The following TMEM132D variants were observed in gnomAD, a reference collection of about 807,000 sequenced individuals.
TMEM132D encodes the protein mature OL transmembrane protein.
TMEM132D carries 21 observed loss-of-function variants against 62.3 expected under a neutral mutation model. The ratio of observed to expected loss-of-function variants is 0.34; its 90% CI spans 0.24 to 0.49. The LOEUF is 0.49. Ranked by LOEUF, TMEM132D falls within the 20% of genes least tolerant of loss-of-function variation. The pLI is 0.99. For synonymous variants in TMEM132D, 621 were observed against 575.6 expected (o/e 1.08, Z -1.13); for missense variants, 1,346 against 1,402.8 (o/e 0.96, Z 0.65).
intron 1 of TMEM132D, among the ~76,000 whole-genome samples, chr12:129,759,015 C>A (rs1424612285): frequency 2.0e-5 from 3 of 151,718 alleles, no homozygotes; most frequent in African/African-American, 7.3e-5. Context: ...CTCACTGCAA[C>A]CTCTGCCTCC....
At chr12:129,658,710 G>T (rs1880160934) in intron 2 of TMEM132D, among the ~76,000 whole-genome samples, 1 of 152,276 alleles carries the variant, frequency 6.6e-6, no homozygotes, top group Non-Finnish European at 1.5e-5. Context: ...TTGGAAGCCT[G>T]CAGGTTACTT....
At chr12:129,787,817 G>A (rs1871284170) in intron 1 of TMEM132D, among the ~76,000 whole-genome samples, 1 of 152,222 alleles carries the variant, frequency 6.6e-6, no homozygotes, top group Non-Finnish European at 1.5e-5. Flanking sequence ...TGCTAATGAG[G>A]CAGGGGCAAC....
intron 2 of TMEM132D, among the ~76,000 whole-genome samples, chr12:129,693,977 T>C (rs1277040160): frequency 2.0e-5 from 3 of 152,208 alleles, no homozygotes; most frequent in Non-Finnish European, 4.4e-5. Flanking sequence ...GTCTCCCTAG[T>C]GCCCATCTTT....
At chr12:129,809,695 AAC>A (rs1434487726) in intron 1 of TMEM132D, among the ~76,000 whole-genome samples, 3 of 152,162 alleles carry the variant, frequency 2.0e-5, no homozygotes, top group Admixed American at 1.3e-4. Context: ...GTTTTTTTAA[AAC>A]AGAGAGTTCT....
rs561494746 is a variant in TMEM132D, at chr12:129,739,075, A to G, written c.80-38377T>C. Among the ~76,000 whole-genome samples the G allele has an allele frequency of 1.6e-3, 249 of 152,258 alleles. No individual in the cohort carries two copies. In the Middle Eastern group the frequency reaches 0.027, roughly 17 times the overall value. On this transcript the variant is annotated intron_variant, in intron 1 of 8. Coordinates refer to ENST00000422113, the MANE Select transcript of TMEM132D (RefSeq NM_133448.3). ...CTCCATCAGCATCTGCTCCAGCCCA[A>G]GGGCAGTGTTTTTGAGCTGGAAAAA...
At chr12:129,450,382 A>C (rs992364840) in intron 3 of TMEM132D, among the ~76,000 whole-genome samples, 10 of 152,166 alleles carry the variant, frequency 6.6e-5, no homozygotes, top group African/African-American at 2.4e-4. Context: ...ATTTTTGTAC[A>C]GTCTGTATAA....
intron 2 of TMEM132D, among the ~76,000 whole-genome samples, chr12:129,569,714 A>G (rs531907117): frequency 2.0e-5 from 3 of 152,326 alleles, no homozygotes; most frequent in Admixed American, 1.3e-4. Context: ...AGGCTTTATG[A>G]AATGACTCCA....
intron 5 of TMEM132D, among the ~76,000 whole-genome samples, chr12:129,102,432 C>T (rs1376011014): frequency 6.6e-6 from 1 of 150,890 alleles, no homozygotes; most frequent in Non-Finnish European, 1.5e-5. Flanking sequence ...CGCACACTGG[C>T]ATATGCACAT....
chr12:129,383,248 T>C (rs1871004645), intron 3 of TMEM132D, among the ~76,000 whole-genome samples: 1 of 152,194 alleles, frequency 6.6e-6, no homozygotes. Flanking sequence ...TGGGGAAATC[T>C]AAATCACACC....
chr12:129,660,078 A>G (rs1880196842), intron 2 of TMEM132D, among the ~76,000 whole-genome samples: 3 of 152,204 alleles, frequency 2.0e-5, no homozygotes, highest in Admixed American at 2.0e-4. Flanking sequence ...TATGCCTGCC[A>G]GGAGGGTGAT....
At chr12:129,088,327 G>A (rs551577544) in intron 5 of TMEM132D, among the ~76,000 whole-genome samples, 763 of 39,804 alleles carry the variant, frequency 0.019, 205 homozygotes, top group Non-Finnish European at 0.023. Context: ...CTCCCTGACC[G>A]GGGTGTCCTC....
intron 3 of TMEM132D, among the ~76,000 whole-genome samples, chr12:129,485,340 C>G (rs1033046825): frequency 4.6e-5 from 7 of 152,202 alleles, no homozygotes; most frequent in Non-Finnish European, 8.8e-5. Context: ...CACTTTCAGC[C>G]TGCCCATGGA....
chr12:129,416,754 G>C (rs576987296), intron 3 of TMEM132D, among the ~76,000 whole-genome samples: 2 of 152,206 alleles, frequency 1.3e-5, no homozygotes, highest in South Asian at 2.1e-4. Context: ...TAGCATGAAG[G>C]GATGTTGAAT....
chr12:129,813,976 A>T (rs1409390886), intron 1 of TMEM132D, among the ~76,000 whole-genome samples: 1 of 152,234 alleles, frequency 6.6e-6, no homozygotes, highest in Non-Finnish European at 1.5e-5. Flanking sequence ...AGATTTAACA[A>T]GAAATTTGTC....
At chr12:129,107,866 T>TA (rs1169840800) in intron 5 of TMEM132D, among the ~76,000 whole-genome samples, 30 of 88,908 alleles carry the variant, frequency 3.4e-4, no homozygotes, top group East Asian at 2.5e-3. Flanking sequence ...TTTTTTTTTT[T>TA]TTTATTTGTA....
At chr12:129,813,611 G>GATAGATATAT (rs1555233394) in intron 1 of TMEM132D, among the ~76,000 whole-genome samples, 1 of 136,612 alleles carries the variant, frequency 7.3e-6, no homozygotes, top group Non-Finnish European at 1.6e-5. Flanking sequence ...CAGAAAATGT[G>GATAGATATAT]ATATATATAT....
At chr12:129,617,695 G>A (rs114490402) in intron 2 of TMEM132D, among the ~76,000 whole-genome samples, 2,658 of 152,210 alleles carry the variant, frequency 0.017, 73 homozygotes, top group African/African-American at 0.06. Context: ...CAGAGGACCT[G>A]CTTCCTGGTT....
intron 1 of TMEM132D, among the ~76,000 whole-genome samples, chr12:129,753,522 A>C (rs1320471014): frequency 6.6e-6 from 1 of 152,214 alleles, no homozygotes; most frequent in Non-Finnish European, 1.5e-5. Context: ...ACTTTCACAA[A>C]TCAGTGAGCA....
intron 3 of TMEM132D, among the ~76,000 whole-genome samples, chr12:129,436,112 C>T (rs1357251748): frequency 2.0e-5 from 3 of 152,240 alleles, no homozygotes; most frequent in South Asian, 4.1e-4. Context: ...CGGCAGCTAT[C>T]TTGAGGGCAC....
Sources: allele counts gnomAD v4.1 joint callset (sites outside exome capture counted in the v4.1 genomes callset), GRCh38; gene constraint gnomAD v4.1.1; transcripts MANE v1.5; gene names NCBI Gene and HGNC (gene_info 2026-07-23, HGNC 2026-07-21).